Variants in STX2 observed in about 807,000 individuals in gnomAD.
STX2 encodes syntaxin 2.
STX2 carries 27 observed loss-of-function variants against 40.6 expected under a neutral mutation model. That is an observed-to-expected ratio of 0.66 (90% CI 0.49 to 0.92). The LOEUF (loss-of-function observed/expected upper bound fraction) is 0.92, where lower values mean the gene tolerates loss of function less well. STX2 is among the 40% of genes least tolerant of loss of function. The probability of loss-of-function intolerance (pLI) is 0.00; values close to 1 mark genes in which losing one functional copy is unlikely to be tolerated. For synonymous variants in STX2, 123 were observed against 119.1 expected (o/e 1.03, Z -0.22); for missense variants, 328 against 366.1 (o/e 0.90, Z 0.85).
chr12:130,828,079 T>C (rs116470397), intron 1 of STX2, among the ~76,000 whole-genome samples: 1 of 152,196 alleles, frequency 6.6e-6, no homozygotes, highest in Non-Finnish European at 1.5e-5. Context: ...GTCCATGAAA[T>C]AGAGATAGTA....
chr12:130,824,384 C>CA (rs34572611), intron 2 of STX2, among the ~76,000 whole-genome samples: 3 of 151,358 alleles, frequency 2.0e-5, no homozygotes, highest in East Asian at 3.9e-4. Context: ...GGCTCCGTCT[C>CA]AAAAAAAGAA....
At chr12:130,817,138 CAA>C (rs1593160965) in intron 3 of STX2, among the ~76,000 whole-genome samples, 1 of 148,202 alleles carries the variant, frequency 6.7e-6, no homozygotes. Flanking sequence ...GAAAACCCAA[CAA>C]AAAGAGACAA....
intron 1 of STX2, among the ~76,000 whole-genome samples, chr12:130,835,222 A>G (rs1952717556): frequency 6.6e-6 from 1 of 152,220 alleles, no homozygotes; most frequent in Non-Finnish European, 1.5e-5. Context: ...CTGGGAGGTC[A>G]AGGGTGCAAT....
Position 130,789,970 on chromosome 12 carries a change from C to CAT in STX2, c.*2051_*2052dup, listed in dbSNP as rs1183324492. 6.6e-6 allele frequency: 1 copy of CAT among 152,150 alleles called. No homozygotes were observed. Among genetic ancestry groups the CAT allele is most frequent in the Non-Finnish European group, 1.5e-5 (1 of 68,034 alleles). The allele number at this position is 152,150 out of a possible 1,614,324, so 9.4% of individuals were successfully genotyped here. Reference sequence around the variant, plus strand: ...ATAAGTGTTGTAAAAGGGGAGGACTCATATGACAGACCTTGAAGGAAAGGT... The same window carrying CAT: ...ATAAGTGTTGTAAAAGGGGAGGACTCATATATGACAGACCTTGAAGGAAAGGT... On this transcript the variant is annotated 3_prime_UTR_variant, in exon 11 of 11. Coordinates refer to ENST00000392373, the MANE Select transcript of STX2 (RefSeq NM_194356.4).
chr12:130,826,407 A>AAGGAGC (rs1051997884), intron 2 of STX2, among the ~76,000 whole-genome samples: 1 of 152,168 alleles, frequency 6.6e-6, no homozygotes, highest in African/African-American at 2.4e-5. Flanking sequence ...GGCAGCCTGC[A>AAGGAGC]AGGAGGCGGT....
At chr12:130,827,388 AAC>A (rs1217905904) in intron 1 of STX2, 121 bp from the exon 2 acceptor site, 2 of 702,586 alleles carry the variant, frequency 2.8e-6, no homozygotes, top group Admixed American at 2.2e-5. Context: ...ACCAAATTGT[AAC>A]AGACTAGCAG....
chr12:130,803,864 C>A (rs910257665), intron 6 of STX2, among the ~76,000 whole-genome samples: 1 of 151,932 alleles, frequency 6.6e-6, no homozygotes, highest in Admixed American at 6.6e-5. Flanking sequence ...TCCTTAAGCT[C>A]GATGTCAAAA....
At chr12:130,827,074 G>A (rs1423420173) in intron 2 of STX2, 119 bp downstream of exon 2, 6 of 572,944 alleles carry the variant, frequency 1.0e-5, no homozygotes, top group African/African-American at 6.7e-5. Context: ...AGGGAGGGAG[G>A]GAGGGGTGGG....
chr12:130,800,867 G>C (rs193236738), intron 8 of STX2, among the ~76,000 whole-genome samples: 1 of 152,280 alleles, frequency 6.6e-6, no homozygotes, highest in East Asian at 1.9e-4. Context: ...GCATATTTCA[G>C]TAAGAATTCT....
At chr12:130,810,856 T>C (rs537596522) in intron 4 of STX2, 1 of 152,284 alleles carries the variant, frequency 6.6e-6, no homozygotes, top group East Asian at 1.9e-4. Context: ...TGACCCAGAA[T>C]GTGCTTTGGC....
rs79243841 is a variant in STX2, at chr12:130,836,101, A to G, written c.30+2969T>C. ...TTTACAAGCACGGTTGTGAGTACAC[A>G]TTCAACTACTCTAAGAACTACTGGG... On this transcript the variant is annotated intron_variant, in intron 1 of 10. Transcript: ENST00000392373. Among the ~76,000 whole-genome samples, 434 of 149,422 alleles carry G rather than the reference A, an allele frequency of 2.9e-3. 4 individuals are homozygous for G. Among genetic ancestry groups the G allele is most frequent in the African/African-American group, 0.01 (411 of 40,582 alleles).
At chr12:130,835,161 C>T (rs547775722) in intron 1 of STX2, among the ~76,000 whole-genome samples, 2 of 152,306 alleles carry the variant, frequency 1.3e-5, no homozygotes, top group South Asian at 2.1e-4. Flanking sequence ...CAGCGGCACG[C>T]GCCTGTGGTC....
intron 6 of STX2, among the ~76,000 whole-genome samples, chr12:130,803,504 T>C (rs1005231454): frequency 2.0e-5 from 3 of 151,812 alleles, no homozygotes; most frequent in East Asian, 1.9e-4. Flanking sequence ...ACCTCGTCTC[T>C]ACAAAAAATA....
At position 130,796,026 on chromosome 12, in the gene STX2, C is replaced by T. The variant is rs765480999; in HGVS notation, c.*14G>A. 3.7e-6 allele frequency: 6 copies of T among 1,614,066 alleles called. No homozygotes were observed. The highest frequency in any genetic ancestry group is 1.1e-5 in the South Asian group (1 of 91,060). ...CCTGGCAGAGAGGCATGCACACTGACGTTATCCACACCATCATTTGCCAAC... is the reference window on the plus strand; with the variant it reads ...CCTGGCAGAGAGGCATGCACACTGATGTTATCCACACCATCATTTGCCAAC... On this transcript the variant is annotated 3_prime_UTR_variant, in exon 10 of 11. Transcript: ENST00000392373.
chr12:130,800,212 T>A (rs1393244540), intron 8 of STX2, among the ~76,000 whole-genome samples: 1 of 152,006 alleles, frequency 6.6e-6, no homozygotes. Flanking sequence ...AACATACCCA[T>A]GCACATCACA....
rs565729524 is a variant in STX2 at position 130,806,249 on chromosome 12, C to T, written c.463+733G>A. Among the ~76,000 whole-genome samples the T allele has an allele frequency of 5.7e-4, 87 of 152,310 alleles. 2 individuals carry two copies. Among genetic ancestry groups the T allele is most frequent in the South Asian group, 1.0e-3 (5 of 4,832 alleles). On this transcript the variant is annotated intron_variant, in intron 6 of 10. Coordinates refer to ENST00000392373, the MANE Select transcript of STX2 (RefSeq NM_194356.4). Reference sequence around the variant, plus strand: ...TGGGCCTGAGGCTTCATCTGACCTGCGAGCTGACACGCTGGCCTGCCAGGG... The same window carrying T: ...TGGGCCTGAGGCTTCATCTGACCTGTGAGCTGACACGCTGGCCTGCCAGGG...
At chr12:130,818,195 T>A (rs1174208149) in intron 3 of STX2, among the ~76,000 whole-genome samples, 2,982 of 66,342 alleles carry the variant, frequency 0.045, 102 homozygotes, top group African/African-American at 0.072. Flanking sequence ...AATATATATA[T>A]ATATATATAT....
intron 10 of STX2, among the ~76,000 whole-genome samples, chr12:130,792,674 C>A (rs1950913283): frequency 6.6e-6 from 1 of 152,164 alleles, no homozygotes; most frequent in African/African-American, 2.4e-5. Flanking sequence ...CTATGTTGCC[C>A]AGACTAGTCT....
At chr12:130,827,319 A>G in intron 1 of STX2, 52 bp from the exon 2 acceptor site, 1 of 1,421,608 alleles carries the variant, frequency 7.0e-7, no homozygotes, top group South Asian at 1.2e-5. Context: ...TGTAGGCACA[A>G]ATAGCGAACT....
Sources: allele counts gnomAD v4.1 joint callset (sites outside exome capture counted in the v4.1 genomes callset), GRCh38; gene constraint gnomAD v4.1.1; transcripts MANE v1.5; gene names NCBI Gene and HGNC (gene_info 2026-07-23, HGNC 2026-07-21).